The following CHRNA2 variants were observed in gnomAD, a reference collection of about 807,000 sequenced individuals.
CHRNA2 encodes cholinergic receptor nicotinic alpha 2 subunit.
Under a neutral mutation model 45.5 loss-of-function variants are expected in CHRNA2, and 40 were observed. The observed-to-expected ratio is 0.88, with a 90% CI of 0.68 to 1.15. The LOEUF (loss-of-function observed/expected upper bound fraction) is 1.15. Among genes scored for constraint, CHRNA2 ranks in the 50% most tolerant of loss-of-function variants. CHRNA2 has a pLI of 0.00. For synonymous variants in CHRNA2, 301 were observed against 296.7 expected (o/e 1.01, Z -0.15); for missense variants, 655 against 701.7 (o/e 0.93, Z 0.75).
chr8:27,461,852 C>T (rs1456614072), intron 6 of CHRNA2, 98 bp from the exon 7 acceptor site: 2 of 1,534,760 alleles, frequency 1.3e-6, no homozygotes, highest in Non-Finnish European at 1.8e-6. Context: ...CTGGGGGCAG[C>T]AGCAACTGCC....
chr8:27,476,079 G>C (rs1302543460), intron 1 of CHRNA2, among the ~76,000 whole-genome samples: 1 of 152,174 alleles, frequency 6.6e-6, no homozygotes, highest in African/African-American at 2.4e-5. Flanking sequence ...TAGTGTGATT[G>C]TTTATCCTTT....
chr8:27,473,530 C>A (rs564299577), intron 1 of CHRNA2, among the ~76,000 whole-genome samples: 13 of 120,762 alleles, frequency 1.1e-4, no homozygotes, highest in East Asian at 5.9e-4. Context: ...TGAGACCCCC[C>A]CCGCCGTCTC....
intron 6 of CHRNA2, among the ~76,000 whole-genome samples, chr8:27,462,364 T>C (rs891395): frequency 6.6e-6 from 1 of 151,920 alleles, no homozygotes; most frequent in South Asian, 2.1e-4. Context: ...TCCCTAGGCT[T>C]AGTAGAATTT....
chr8:27,461,272 C>A lies in CHRNA2; in HGVS notation c.*357G>T. On this transcript the variant is annotated 3_prime_UTR_variant, in exon 7 of 7. Transcript: ENST00000407991. ...CGGCCCCTCCTTTGAGGTCTGCATT[C>A]CCTTCCTCGTCACCCTGGCCCCACT... 3.4e-6 allele frequency: 1 copy of A among 297,452 alleles called. No individual in the cohort carries two copies. The highest frequency in any genetic ancestry group is 6.6e-6 in the Non-Finnish European group (1 of 152,492). 18.4% of individuals were successfully genotyped at this position (297,452 alleles called of 1,614,324 possible).
chr8:27,473,422 G>A (rs1385418417), intron 1 of CHRNA2, among the ~76,000 whole-genome samples: 1 of 152,132 alleles, frequency 6.6e-6, no homozygotes, highest in East Asian at 1.9e-4. Flanking sequence ...ACCAAGGGCT[G>A]GGTACAGTAG....
In CHRNA2 at chr8:27,463,023, G is replaced by T. The variant is rs776341783; in HGVS notation, c.1420C>A (p.His474Asn). 3 of 1,614,116 alleles carry T rather than the reference G, an allele frequency of 1.9e-6. No individual in the cohort carries two copies. The South Asian group carries it at 3.3e-5, about 18-fold the overall frequency. ...PHMQKALEGVHYIADHLRSED... is the reference protein window; with the variant it reads ...PHMQKALEGVNYIADHLRSED... ...GACCGCAGGTGGTCGGCAATGTAGTGCACACCTTCCAGTGCCTTCTGCATG... is the reference window on the plus strand; with the variant it reads ...GACCGCAGGTGGTCGGCAATGTAGTTCACACCTTCCAGTGCCTTCTGCATG... The change falls in exon 6 of 7, where the codon CAC becomes AAC. Residue 474 changes from histidine (H) to asparagine (N), a missense_variant. His to Asn is a moderately conservative substitution (Grantham distance 68, BLOSUM62 1). Around this residue, in one of 3 missense-constraint regions of CHRNA2, gnomAD observed 295 missense variants for 280.4 expected, o/e 1.05. Coordinates refer to ENST00000407991, the MANE Select transcript of CHRNA2 (RefSeq NM_000742.4). The surrounding 1 kb of genome is among the most constrained non-coding windows in gnomAD (Gnocchi z 6.1).
intron 1 of CHRNA2, among the ~76,000 whole-genome samples, chr8:27,471,995 G>C (rs1369089350): frequency 6.6e-6 from 1 of 152,142 alleles, no homozygotes; most frequent in Non-Finnish European, 1.5e-5. Context: ...AATGGCCACT[G>C]GATTAATCAA....
intron 6 of CHRNA2, among the ~76,000 whole-genome samples, chr8:27,462,320 G>T (rs1812518407): frequency 6.6e-6 from 1 of 152,202 alleles, no homozygotes; most frequent in Non-Finnish European, 1.5e-5. Flanking sequence ...GTTCATCAAG[G>T]CCACTCAGTA....
chr8:27,463,150 G>T lies in CHRNA2; in HGVS notation c.1293C>A (p.Pro431=). 8 of 1,602,718 alleles carry T rather than the reference G, an allele frequency of 5.0e-6. No individual in the cohort carries two copies. The highest frequency in any genetic ancestry group is 3.4e-6 in the Non-Finnish European group (4 of 1,171,138). The change falls in exon 6 of 7, where the codon CCC becomes CCA. Residue 431 remains proline, a synonymous_variant. Coordinates refer to ENST00000407991, the MANE Select transcript of CHRNA2 (RefSeq NM_000742.4). This position sits in a 1 kb window ranked among gnomAD's most constrained non-coding sequence, Gnocchi z 6.1. Reference sequence around the variant, plus strand: ...CGTGGCTGCAGAGGGTGCCCACAGAGGGGGCCACATGACCTGCACATGCCC... The same window carrying T: ...CGTGGCTGCAGAGGGTGCCCACAGATGGGGCCACATGACCTGCACATGCCC... ...DRWACAGHVA[P]SVGTLCSHGH... is the part of the protein sequence containing the mutation.
intron 5 of CHRNA2, 85 bp downstream of exon 5, chr8:27,467,144 C>G: frequency 9.9e-7 from 1 of 1,011,886 alleles, no homozygotes; most frequent in Non-Finnish European, 1.6e-6. Context: ...GAAGCTGACA[C>G]CAGGGGGGCC....
chr8:27,463,552 G>C lies in CHRNA2; in HGVS notation c.891C>G (p.Ile297Met). ...ACAGCAGCACCGAAATGCACAGCGTGATCTTCTCGCCGCAGTCGGAGGGCA... is the reference window on the plus strand; with the variant it reads ...ACAGCAGCACCGAAATGCACAGCGTCATCTTCTCGCCGCAGTCGGAGGGCA... ...FYLPSDCGEK[I>M]TLCISVLLSL... is the part of the protein sequence containing the mutation. Residue 297 changes from isoleucine (I) to methionine (M), a missense_variant, in exon 6 of 7, where the codon ATC (isoleucine) becomes ATG (methionine). Physicochemically the swap from Ile to Met is conservative, Grantham distance 10. Around this residue, in one of 3 missense-constraint regions of CHRNA2, gnomAD observed 37 missense variants for 66.8 expected, o/e 0.55. Coordinates refer to ENST00000407991, the MANE Select transcript of CHRNA2 (RefSeq NM_000742.4). The surrounding 1 kb of genome is among the most constrained non-coding windows in gnomAD (Gnocchi z 6.1). 6.2e-7 allele frequency: 1 copy of C among 1,614,236 alleles called. No homozygotes were observed. The highest frequency in any genetic ancestry group is 8.5e-7 in the Non-Finnish European group (1 of 1,180,042).
chr8:27,476,982 C>T (rs565203181), intron 1 of CHRNA2, among the ~76,000 whole-genome samples: 2 of 146,146 alleles, frequency 1.4e-5, no homozygotes, highest in African/African-American at 5.2e-5. Context: ...TATAATTATC[C>T]CTTTCATGTA....
intron 1 of CHRNA2, among the ~76,000 whole-genome samples, chr8:27,474,195 A>G (rs1406964494): frequency 6.6e-6 from 1 of 152,134 alleles, no homozygotes; most frequent in South Asian, 2.1e-4. Flanking sequence ...TGGGTCAAGT[A>G]GGAGAAGAGG....
intron 3 of CHRNA2, 40 bp downstream of exon 3, chr8:27,469,721 G>T: frequency 6.2e-7 from 1 of 1,609,118 alleles, no homozygotes. Flanking sequence ...GGTGGTCTGG[G>T]ATCTCCTTCC....
chr8:27,468,311 T>C (rs1586396934), intron 4 of CHRNA2, among the ~76,000 whole-genome samples: 1 of 152,120 alleles, frequency 6.6e-6, no homozygotes, highest in Non-Finnish European at 1.5e-5. Context: ...CATGACTGGG[T>C]AGCTTCCAAG....
chr8:27,473,524 A>ACCCCC lies in CHRNA2; in HGVS notation c.-136-2335_-136-2331dup, dbSNP rs139119872. Among the ~76,000 whole-genome samples, 52 of 100,662 alleles carry ACCCCC rather than the reference A, an allele frequency of 5.2e-4. 2 individuals are homozygous for ACCCCC. Among genetic ancestry groups the ACCCCC allele is most frequent in the African/African-American group, 1.9e-3 (48 of 25,506 alleles). The allele number at this position is 100,662 out of a possible 152,430, so 66.0% of individuals were successfully genotyped here. A position where few individuals can be genotyped will look rare whatever the true frequency, so the allele number is the denominator to read the frequency against. ...AAACCAGCCTGGGCAACATAGTGAG[A>ACCCCC]CCCCCCCCGCCGTCTCTACAAAAAA... is the stretch of plus-strand genomic sequence containing the variant. On this transcript the variant is annotated intron_variant, in intron 1 of 6. Transcript: ENST00000407991.
chr8:27,472,840 TAAAC>T (rs1178470051), intron 1 of CHRNA2, among the ~76,000 whole-genome samples: 13 of 152,244 alleles, frequency 8.5e-5, no homozygotes, highest in African/African-American at 1.4e-4. Context: ...TATTAAAAAA[TAAAC>T]AAACACCTCA....
chr8:27,471,972 T>C (rs1400615959), intron 1 of CHRNA2, among the ~76,000 whole-genome samples: 1 of 152,162 alleles, frequency 6.6e-6, no homozygotes, highest in African/African-American at 2.4e-5. Flanking sequence ...AGATAAAGGT[T>C]AAGTTGATCG....
chr8:27,465,713 G>A (rs181894945), intron 5 of CHRNA2, among the ~76,000 whole-genome samples: 1 of 152,292 alleles, frequency 6.6e-6, no homozygotes, highest in African/African-American at 2.4e-5. Context: ...ACAGGTGTGA[G>A]CCACCGCGCC....
Sources: gnomAD v4.1 joint callset for allele counts (sites outside exome capture counted in the v4.1 genomes callset) on GRCh38, gnomAD v4.1.1 for gene constraint, gnomAD v4.1.1 regional missense constraint, Gnocchi (gnomAD v3.1) non-coding constraint, MANE v1.5 for transcripts, NCBI Gene and HGNC (gene_info 2026-07-23, HGNC 2026-07-21) for gene names.